Variants in HDAC9 observed in about 807,000 individuals in gnomAD.
HDAC9 encodes the protein histone deacetylase 9, also known as MEF-2 interacting transcription repressor (MITR) protein.
In HDAC9, 41 loss-of-function variants were observed where a neutral mutation model predicts 139.4. The ratio of observed to expected loss-of-function variants is 0.29; its 90% CI spans 0.23 to 0.38. The LOEUF is 0.38. Ranked by LOEUF, HDAC9 falls within the 10% of genes least tolerant of loss-of-function variation. HDAC9 has a pLI of 1.00. For missense variants in HDAC9, 1,147 were observed against 1,297.0 expected, an observed-to-expected ratio of 0.88 and a Z score of 1.78; for synonymous variants, 517 against 476.2, an observed-to-expected ratio of 1.09 and a Z score of -1.12.
chr7:18,264,037 C>A (rs1356828594), intron 2 of HDAC9, among the ~76,000 whole-genome samples: 5 of 152,080 alleles, frequency 3.3e-5, no homozygotes, highest in African/African-American at 1.2e-4. Context: ...TTTATGCACC[C>A]AAAATGTATG....
At chr7:18,227,539 A>G (rs1188693601) in intron 2 of HDAC9, among the ~76,000 whole-genome samples, 1 of 152,148 alleles carries the variant, frequency 6.6e-6, no homozygotes, top group East Asian at 1.9e-4. Flanking sequence ...AGGCTGGACT[A>G]TTTCAAAAGA....
chr7:18,356,812 C>T (rs1351962567), intron 1 of HDAC9, among the ~76,000 whole-genome samples: 1 of 152,044 alleles, frequency 6.6e-6, no homozygotes, highest in East Asian at 1.9e-4. Context: ...GTAGAGTTCT[C>T]CTCAATGTAT....
At chr7:18,852,051 A>G (rs1161983256) in intron 21 of HDAC9, among the ~76,000 whole-genome samples, 1 of 152,296 alleles carries the variant, frequency 6.6e-6, no homozygotes, top group South Asian at 2.1e-4. Context: ...GGGGTGCAGA[A>G]ATGGTACACC....
intron 16 of HDAC9, among the ~76,000 whole-genome samples, chr7:18,779,070 T>C (rs1399144148): frequency 6.6e-6 from 1 of 152,112 alleles, no homozygotes; most frequent in Non-Finnish European, 1.5e-5. Flanking sequence ...ACGTCTTCCC[T>C]GTAGCTGCTC....
At chr7:18,777,385 A>G (rs1562933914) in intron 16 of HDAC9, among the ~76,000 whole-genome samples, 2 of 151,806 alleles carry the variant, frequency 1.3e-5, no homozygotes, top group Admixed American at 6.6e-5. Context: ...CTTGAATGAC[A>G]TTGTCACATT....
chr7:18,981,473 G>C (rs879762379), intron 25 of HDAC9, among the ~76,000 whole-genome samples: 7 of 152,070 alleles, frequency 4.6e-5, no homozygotes, highest in Non-Finnish European at 8.8e-5. Flanking sequence ...ACTAACCCAG[G>C]TCTCACTGAG....
At chr7:18,309,006 T>C (rs570261912) in intron 1 of HDAC9, among the ~76,000 whole-genome samples, 8 of 152,166 alleles carry the variant, frequency 5.3e-5, no homozygotes, top group African/African-American at 1.9e-4. Context: ...CTCCAATTCC[T>C]TTGGAGAATA....
intron 1 of HDAC9, among the ~76,000 whole-genome samples, chr7:18,151,003 G>T (rs1028808688): frequency 1.3e-5 from 2 of 152,016 alleles, no homozygotes; most frequent in East Asian, 3.9e-4. Context: ...TACAGATGTT[G>T]GATTGAGCTA....
chr7:18,323,291 C>G (rs1339572939), intron 1 of HDAC9, among the ~76,000 whole-genome samples: 1 of 152,180 alleles, frequency 6.6e-6, no homozygotes, highest in Non-Finnish European at 1.5e-5. Context: ...CCATTGCTAC[C>G]TCCCTGGTCC....
At chr7:18,908,663 G>A (rs773704567) in intron 22 of HDAC9, among the ~76,000 whole-genome samples, 10 of 151,694 alleles carry the variant, frequency 6.6e-5, no homozygotes, top group Non-Finnish European at 1.2e-4. Flanking sequence ...TTTTGTGCCT[G>A]CATTATTTTA....
intron 2 of HDAC9, among the ~76,000 whole-genome samples, chr7:18,243,211 G>GA (rs1394373222): frequency 6.6e-6 from 1 of 152,150 alleles, no homozygotes; most frequent in Non-Finnish European, 1.5e-5. Context: ...AAATATACAG[G>GA]AAAAAATGTT....
intron 1 of HDAC9, among the ~76,000 whole-genome samples, chr7:18,361,657 T>A (rs2128689891): frequency 6.6e-6 from 1 of 152,292 alleles, no homozygotes; most frequent in African/African-American, 2.4e-5. Flanking sequence ...TTACTGAGGG[T>A]TAGATTTCTG....
intron 2 of HDAC9, among the ~76,000 whole-genome samples, chr7:18,172,559 A>G (rs1167791799): frequency 6.6e-6 from 1 of 152,012 alleles, no homozygotes; most frequent in African/African-American, 2.4e-5. Context: ...TTGATTTTAG[A>G]TCTTTCTTGC....
intron 1 of HDAC9, among the ~76,000 whole-genome samples, chr7:18,466,066 C>T (rs997908330): frequency 6.6e-6 from 1 of 152,184 alleles, no homozygotes; most frequent in African/African-American, 2.4e-5. Flanking sequence ...GAGAAATCAG[C>T]TTGTTGCTCA....
intron 3 of HDAC9, among the ~76,000 whole-genome samples, chr7:18,589,042 C>G (rs116881800): frequency 6.6e-6 from 1 of 152,236 alleles, no homozygotes; most frequent in Non-Finnish European, 1.5e-5. Context: ...GAGATATTCT[C>G]TCTCTTACAT....
chr7:18,674,734 G>A (rs1781393358), intron 12 of HDAC9, among the ~76,000 whole-genome samples: 1 of 151,944 alleles, frequency 6.6e-6, no homozygotes, highest in African/African-American at 2.4e-5. Flanking sequence ...GATGTGAAAT[G>A]TGGAGTCATA....
At chr7:18,519,188 A>G (rs1804184544) in intron 2 of HDAC9, among the ~76,000 whole-genome samples, 1 of 152,232 alleles carries the variant, frequency 6.6e-6, no homozygotes, top group Admixed American at 6.5e-5. Flanking sequence ...TAATGAGCTT[A>G]TGTGATGTCA....
At chr7:18,929,518 T>C (rs1804539073) in intron 22 of HDAC9, among the ~76,000 whole-genome samples, 1 of 152,216 alleles carries the variant, frequency 6.6e-6, no homozygotes, top group South Asian at 2.1e-4. Context: ...TTAATGCTGA[T>C]AGACAATTTT....
At chr7:18,992,185 A>C (rs909220821) in intron 25 of HDAC9, among the ~76,000 whole-genome samples, 2 of 152,264 alleles carry the variant, frequency 1.3e-5, no homozygotes, top group African/African-American at 4.8e-5. Context: ...AAGTCTTTAG[A>C]GTACGTATAC....
Sources: gnomAD v4.1 joint callset for allele counts (sites outside exome capture counted in the v4.1 genomes callset) on GRCh38, gnomAD v4.1.1 for gene constraint, MANE v1.5 for transcripts, NCBI Gene and HGNC (gene_info 2026-07-23, HGNC 2026-07-21) for gene names.